Variants in PTS observed in about 807,000 individuals in gnomAD.
PTS encodes 6-pyruvoyl tetrahydrobiopterin synthase.
A neutral mutation model predicts 20.6 loss-of-function variants in PTS; 23 were observed. The ratio of observed to expected loss-of-function variants is 1.12; its 90% CI spans 0.80 to 1.58. The LOEUF is 1.58. PTS is among the 40% of genes most tolerant of loss of function. The pLI is 0.00. For synonymous variants in PTS, 65 were observed against 62.5 expected (o/e 1.04, Z -0.19); for missense variants, 186 against 182.4 (o/e 1.02, Z -0.11).
At chr11:112,231,928 G>A (rs1859941955) in intron 4 of PTS, among the ~76,000 whole-genome samples, 1 of 131,804 alleles carries the variant, frequency 7.6e-6, no homozygotes, top group Non-Finnish European at 1.6e-5. Context: ...GACAGGGGAG[G>A]AGAGGGGAGG....
At position 112,228,625 on chromosome 11, in the gene PTS, CTGTT is replaced by C. The variant is rs747260038; in HGVS notation, c.118_121del (p.Phe40GlyfsTer17). The stretch of plus-strand genomic sequence containing the variant: ...TCTAAGTGATGAAGAAAACTTGAAA[CTGTT>C]TGGGAAATGCAACAATCCAAATGGC... On this transcript the variant is annotated frameshift_variant, in exon 2 of 6. Coordinates refer to ENST00000280362, the MANE Select transcript of PTS (RefSeq NM_000317.3). LOFTEE classifies it high-confidence loss of function. The C allele has an allele frequency of 4.4e-6, 7 of 1,595,816 alleles. No individual in the cohort carries two copies. The highest frequency in any genetic ancestry group is 2.3e-5 in the East Asian group (1 of 44,330).
chr11:112,233,468 C>T lies in PTS; in HGVS notation c.351C>T (p.Asn117=). ...TENVAVYIWD[N]LQKVLPVGVL... The stretch of plus-strand genomic sequence containing the variant: ...ATGTAGCTGTTTATATCTGGGACAA[C>T]CTCCAGAAAGTTCTTCCTGTAGGAG... The change falls in exon 6 of 6, where the codon AAC becomes AAT. Residue 117 remains asparagine, a synonymous_variant. Transcript: ENST00000280362. 1 of 1,613,106 alleles carries T rather than the reference C, an allele frequency of 6.2e-7. No individual in the cohort carries two copies. The highest frequency in any genetic ancestry group is 8.5e-7 in the Non-Finnish European group (1 of 1,179,722).
chr11:112,233,078 G>T, intron 4 of PTS, 85 bp from the exon 5 acceptor site: 1 of 1,221,328 alleles, frequency 8.2e-7, no homozygotes, highest in Non-Finnish European at 1.2e-6. Context: ...AAGTGATAAG[G>T]TGAGGTTTAG....
intron 1 of PTS, among the ~76,000 whole-genome samples, 199 bp downstream of exon 1, chr11:112,226,725 A>G (rs911226333): frequency 6.6e-6 from 1 of 151,302 alleles, no homozygotes; most frequent in Non-Finnish European, 1.5e-5. Flanking sequence ...CCAGCCCTGG[A>G]GGGGTGGGGG....
Position 112,233,412 on chromosome 11 carries a change from T to C in PTS, c.315-20T>C, listed in dbSNP as rs1566817881. On this transcript the variant is annotated intron_variant, in intron 5 of 5. Coordinates refer to ENST00000280362, the MANE Select transcript of PTS (RefSeq NM_000317.3). The stretch of plus-strand genomic sequence containing the variant: ...GTTTGCATTTTGAATTTTTTTTGTT[T>C]TTGTTTTTTTTTCTTATAGCACGAC... The C allele has an allele frequency of 6.3e-7, 1 of 1,592,518 alleles. No individual in the cohort carries two copies. The highest frequency in any genetic ancestry group is 8.5e-7 in the Non-Finnish European group (1 of 1,172,818).
chr11:112,233,337 T>G (rs1592881979), intron 5 of PTS, 95 bp from the exon 6 acceptor site: 2 of 1,533,502 alleles, frequency 1.3e-6, no homozygotes, highest in Non-Finnish European at 1.8e-6. Flanking sequence ...ATGAAATCTT[T>G]CGAAACTAGA....
chr11:112,230,279 T>A (rs776297766), intron 3 of PTS, 49 bp downstream of exon 3: 5 of 1,581,262 alleles, frequency 3.2e-6, no homozygotes, highest in Non-Finnish European at 4.3e-6. Context: ...CTGGGCTCTC[T>A]TTCAGCCAGT....
chr11:112,231,457 A>G (rs564793763), intron 4 of PTS, among the ~76,000 whole-genome samples: 1 of 152,316 alleles, frequency 6.6e-6, no homozygotes, highest in African/African-American at 2.4e-5. Context: ...CCCAGGTCAT[A>G]TGGCTAGTCA....
chr11:112,227,893 A>G (rs936246780), intron 1 of PTS, among the ~76,000 whole-genome samples: 4 of 152,178 alleles, frequency 2.6e-5, no homozygotes, highest in Non-Finnish European at 5.9e-5. Flanking sequence ...CTCAAAAAAA[A>G]GGGGTTGTAT....
At chr11:112,228,823 G>A in intron 2 of PTS, 150 bp downstream of exon 2, 1 of 745,924 alleles carries the variant, frequency 1.3e-6, no homozygotes, top group Non-Finnish European at 2.2e-6. Context: ...AGAATGAAAG[G>A]ATCTGTTGTC....
In PTS at chr11:112,233,665, G is replaced by A; in HGVS notation, c.*110G>A. 5.4e-6 allele frequency: 8 copies of A among 1,475,222 alleles called. No individual in the cohort carries two copies. In the South Asian group the frequency reaches 1.0e-4, roughly 19 times the overall value. 91.4% of individuals were successfully genotyped at this position (1,475,222 alleles called of 1,614,324 possible). On this transcript the variant is annotated 3_prime_UTR_variant, in exon 6 of 6. Transcript: ENST00000280362. ...CACGTGATTGTTGTACGTACACATT[G>A]TGCTCTGGAGTGCCTATTTATTGAA...
intron 2 of PTS, among the ~76,000 whole-genome samples, chr11:112,229,795 G>A (rs896330133): frequency 1.3e-5 from 2 of 152,226 alleles, no homozygotes; most frequent in African/African-American, 4.8e-5. Context: ...TTAAGGCCCA[G>A]TAGTATTGCT....
In PTS at chr11:112,230,662, G is replaced by T. The variant is rs375003976; in HGVS notation, c.223G>T (p.Asp75Tyr). The change falls in exon 4 of 6, where the codon GAT becomes TAT. Residue 75 changes from aspartate to tyrosine, a missense_variant. Coordinates refer to ENST00000280362, the MANE Select transcript of PTS (RefSeq NM_000317.3). ...TACGGGAATGGTTATGAATCTGGCT[G>T]ATCTCAAAAAATATATGGAGGTAAT... ...PATGMVMNLA[D>Y]LKKYMEEAIM... The T allele has an allele frequency of 1.2e-6, 2 of 1,610,966 alleles. No homozygotes were observed. The highest frequency in any genetic ancestry group is 1.7e-6 in the Non-Finnish European group (2 of 1,177,286).
At chr11:112,230,117 C>A in intron 2 of PTS, 91 bp from the exon 3 acceptor site, 1 of 1,222,016 alleles carries the variant, frequency 8.2e-7, no homozygotes, top group Non-Finnish European at 1.2e-6. Context: ...TTTATGTTGC[C>A]AACTTGTGCT....
At chr11:112,229,840 T>C (rs1032959873) in intron 2 of PTS, among the ~76,000 whole-genome samples, 4 of 152,246 alleles carry the variant, frequency 2.6e-5, no homozygotes, top group African/African-American at 9.6e-5. Context: ...TTGGACCAGC[T>C]TGCTGTGTAG....
chr11:112,228,133 A>T (rs1447958261), intron 1 of PTS: 2 of 172,810 alleles, frequency 1.2e-5, no homozygotes, highest in Non-Finnish European at 2.5e-5. Context: ...GAGACTTACC[A>T]GGTCATGTAA....
At chr11:112,229,043 G>T in intron 2 of PTS, 1 of 234,304 alleles carries the variant, frequency 4.3e-6, no homozygotes, top group Non-Finnish European at 8.4e-6. Flanking sequence ...GGAATGTAAT[G>T]TATGGCAGAA....
Position 112,230,626 on chromosome 11 carries a change from A to C in PTS, c.187A>C (p.Ile63Leu). ...ATATTCACCTTTGTTTATTCTTTAG[A>C]TTGACCCTGCTACGGGAATGGTTAT... ...YKVVVTVHGE[I>L]DPATGMVMNL... The change falls in exon 4 of 6, where the codon ATT becomes CTT. Residue 63 changes from isoleucine to leucine, a missense_variant and splice_region_variant. Physicochemically the swap from Ile to Leu is conservative, Grantham distance 5 (BLOSUM62 2). Transcript: ENST00000280362. 3 of 1,608,324 alleles carry C rather than the reference A, an allele frequency of 1.9e-6. No individual in the cohort carries two copies. Among genetic ancestry groups the C allele is most frequent in the Non-Finnish European group, 2.6e-6 (3 of 1,174,762 alleles).
chr11:112,226,533 T>C lies in PTS; in HGVS notation c.83+7T>C. 1 of 1,578,020 alleles carries C rather than the reference T, an allele frequency of 6.3e-7. No homozygotes were observed. On this transcript the variant is annotated splice_region_variant and intron_variant, in intron 1 of 5. Transcript: ENST00000280362. ...CGAGCCACCGATTGTACAGGTAGGG[T>C]GTGCACACAGGTACAGCGGCGGGCG...
Sources: allele counts gnomAD v4.1 joint callset (sites outside exome capture counted in the v4.1 genomes callset), GRCh38; gene constraint gnomAD v4.1.1; transcripts MANE v1.5; gene names NCBI Gene and HGNC (gene_info 2026-07-23, HGNC 2026-07-21).